Variants in PTPRD observed in about 807,000 individuals in gnomAD.
PTPRD encodes protein tyrosine phosphatase receptor type D, also known as receptor-type tyrosine-protein phosphatase delta.
Under a neutral mutation model 214.5 loss-of-function variants are expected in PTPRD, and 34 were observed. The observed-to-expected ratio is 0.16, with a 90% CI of 0.12 to 0.21. The LOEUF (loss-of-function observed/expected upper bound fraction) is 0.21, where lower values mean the gene tolerates loss of function less well. PTPRD is among the 10% of genes least tolerant of loss of function. PTPRD has a pLI of 1.00. For missense variants in PTPRD, 2,545 were observed against 2,398.7 expected, an observed-to-expected ratio of 1.06 and a Z score of -1.27; for synonymous variants, 1,128 against 845.7, an observed-to-expected ratio of 1.33 and a Z score of -5.79.
intron 11 of PTPRD, among the ~76,000 whole-genome samples, chr9:8,841,903 C>A (rs1209242340): frequency 6.6e-6 from 1 of 151,320 alleles, no homozygotes; most frequent in Admixed American, 6.6e-5. Context: ...CCCAGCTACT[C>A]GGGAGGCTGA....
intron 10 of PTPRD, among the ~76,000 whole-genome samples, chr9:9,024,452 GC>G (rs1319288677): frequency 6.7e-6 from 1 of 149,042 alleles, no homozygotes; most frequent in East Asian, 2.0e-4. Flanking sequence ...ATTGCTGGAT[GC>G]AGTCAAGCTT....
At chr9:8,576,862 A>G (rs1048034847) in intron 14 of PTPRD, among the ~76,000 whole-genome samples, 6 of 152,134 alleles carry the variant, frequency 3.9e-5, no homozygotes, top group Non-Finnish European at 7.4e-5. Context: ...CTTAGTGGCA[A>G]TATTCAACTG....
intron 34 of PTPRD, 145 bp from the exon 35 acceptor site, chr9:8,436,834 A>C: frequency 1.5e-6 from 1 of 665,524 alleles, no homozygotes; most frequent in East Asian, 2.7e-5. Flanking sequence ...GCAGGCAAAT[A>C]GTTTGGTTAC....
rs537125314 is a variant in PTPRD, at chr9:10,579,845, C to A, written c.-600+32553G>T. Among the ~76,000 whole-genome samples, 4 of 152,162 alleles carry A rather than the reference C, an allele frequency of 2.6e-5. No homozygotes were observed. The East Asian group carries it at 5.8e-4, about 22-fold the overall frequency. ...TCTCGTGGTTTTGATTTGAATTTTT[C>A]TGGTGATTGACAACATTAAGCATTT... is the stretch of plus-strand genomic sequence containing the variant. On this transcript the variant is annotated intron_variant, in intron 2 of 45. Transcript: ENST00000381196.
At chr9:9,808,009 C>T (rs977480225) in intron 5 of PTPRD, among the ~76,000 whole-genome samples, 6 of 152,076 alleles carry the variant, frequency 3.9e-5, no homozygotes, top group Admixed American at 6.6e-5. Context: ...GGTGAGCTGT[C>T]CCCTTTTGTT....
At position 8,887,352 on chromosome 9, in the gene PTPRD, G is replaced by A. The variant is rs190473438; in HGVS notation, c.-104+131345C>T. On this transcript the variant is annotated intron_variant, in intron 11 of 45. Transcript: ENST00000381196. ...TCATTAAAAACCATCGTGGCAGTGA[G>A]ATGCTGGCTCCTGCACATAGATGGA... 1.0e-3 allele frequency among the ~76,000 whole-genome samples: 159 copies of A among 152,256 alleles called. 1 individual carries two copies. The highest frequency in any genetic ancestry group is 3.6e-3 in the African/African-American group (148 of 41,554).
chr9:8,668,698 G>A (rs985056303), intron 12 of PTPRD, among the ~76,000 whole-genome samples: 2 of 152,202 alleles, frequency 1.3e-5, no homozygotes, highest in Non-Finnish European at 2.9e-5. Flanking sequence ...AAATTGCAAT[G>A]TATATGCACT....
At chr9:9,963,289 A>G (rs2094479216) in intron 4 of PTPRD, among the ~76,000 whole-genome samples, 1 of 152,146 alleles carries the variant, frequency 6.6e-6, no homozygotes, top group Non-Finnish European at 1.5e-5. Context: ...TTCATTTTCC[A>G]TTACTAACAT....
chr9:8,464,643 A>G (rs1402559634), intron 32 of PTPRD, among the ~76,000 whole-genome samples: 11 of 151,884 alleles, frequency 7.2e-5, no homozygotes, highest in Admixed American at 5.9e-4. Flanking sequence ...GAAGTTTATA[A>G]TATGTATATT....
chr9:9,332,374 A>G (rs1361011914), intron 9 of PTPRD, among the ~76,000 whole-genome samples: 1 of 152,022 alleles, frequency 6.6e-6, no homozygotes, highest in East Asian at 1.9e-4. Flanking sequence ...TAGATGATCT[A>G]CATACCTCAT....
chr9:8,596,264 T>C (rs25465), intron 14 of PTPRD, among the ~76,000 whole-genome samples: 5,326 of 142,772 alleles, frequency 0.037, 311 homozygotes, highest in African/African-American at 0.12. Flanking sequence ...TTATGGATTA[T>C]ATGGATTATA....
intron 11 of PTPRD, among the ~76,000 whole-genome samples, chr9:8,791,754 T>C (rs1685356924): frequency 6.6e-6 from 1 of 151,874 alleles, no homozygotes; most frequent in African/African-American, 2.4e-5. Context: ...ACTGGCTAAC[T>C]AGGTGACTGG....
intron 9 of PTPRD, among the ~76,000 whole-genome samples, chr9:9,305,249 T>C (rs1956773468): frequency 6.6e-6 from 1 of 152,050 alleles, no homozygotes; most frequent in East Asian, 1.9e-4. Context: ...TCTGTCATTG[T>C]AGATATTTAC....
At chr9:10,288,532 GC>G (rs2095432274) in intron 3 of PTPRD, among the ~76,000 whole-genome samples, 1 of 152,112 alleles carries the variant, frequency 6.6e-6, no homozygotes, top group African/African-American at 2.4e-5. Flanking sequence ...ACAAAAATCT[GC>G]AATATCTAAA....
chr9:9,624,112 T>C (rs573387218), intron 7 of PTPRD, among the ~76,000 whole-genome samples: 1 of 152,332 alleles, frequency 6.6e-6, no homozygotes, highest in East Asian at 1.9e-4. Flanking sequence ...ACTATGGTTA[T>C]GTGGAAAATG....
chr9:9,257,635 T>A (rs1213036273), intron 9 of PTPRD, among the ~76,000 whole-genome samples: 1 of 151,316 alleles, frequency 6.6e-6, no homozygotes, highest in Non-Finnish European at 1.5e-5. Context: ...CTACCAAAAA[T>A]AAAAAATAAA....
intron 14 of PTPRD, among the ~76,000 whole-genome samples, chr9:8,583,684 T>C (rs1256154133): frequency 6.6e-6 from 1 of 152,172 alleles, no homozygotes; most frequent in African/African-American, 2.4e-5. Flanking sequence ...CTAAATTACG[T>C]TGCTTTTGTC....
At chr9:10,285,707 T>C (rs967354040) in intron 3 of PTPRD, among the ~76,000 whole-genome samples, 6 of 147,848 alleles carry the variant, frequency 4.1e-5, no homozygotes, top group Non-Finnish European at 7.4e-5. Flanking sequence ...GCCTCCCAGG[T>C]TCACGCCATT....
At chr9:10,439,964 A>C (rs1284591311) in intron 2 of PTPRD, among the ~76,000 whole-genome samples, 2 of 151,582 alleles carry the variant, frequency 1.3e-5, no homozygotes, top group Non-Finnish European at 3.0e-5. Flanking sequence ...TTGTAATATA[A>C]CGTTTGCATA....
Sources: gnomAD v4.1 joint callset for allele counts (sites outside exome capture counted in the v4.1 genomes callset) on GRCh38, gnomAD v4.1.1 for gene constraint, MANE v1.5 for transcripts, NCBI Gene and HGNC (gene_info 2026-07-23, HGNC 2026-07-21) for gene names.